The following JARID2 variants were observed in gnomAD, a reference collection of about 807,000 sequenced individuals.
JARID2 encodes the protein jumonji and AT-rich interaction domain containing 2.
JARID2 carries 21 observed loss-of-function variants against 125.6 expected under a neutral mutation model. The ratio of observed to expected loss-of-function variants is 0.17; its 90% CI spans 0.12 to 0.24. The LOEUF (loss-of-function observed/expected upper bound fraction) is 0.24, where lower values mean the gene tolerates loss of function less well. JARID2 is among the 10% of genes least tolerant of loss of function. JARID2 has a pLI of 1.00. For synonymous variants in JARID2, 736 were observed against 661.6 expected (o/e 1.11, Z -1.73); for missense variants, 1,303 against 1,639.6 (o/e 0.79, Z 3.55).
intron 1 of JARID2, among the ~76,000 whole-genome samples, chr6:15,343,112 G>A (rs1462516144): frequency 1.3e-5 from 2 of 151,412 alleles, no homozygotes; most frequent in African/African-American, 2.4e-5. Context: ...ATCTGTAATC[G>A]CAGCTACTTG....
intron 1 of JARID2, among the ~76,000 whole-genome samples, chr6:15,313,153 C>G (rs1414845131): frequency 2.6e-5 from 4 of 152,170 alleles, no homozygotes; most frequent in African/African-American, 9.7e-5. Context: ...CTGTCCTCTG[C>G]TTCCTGATCT....
At chr6:15,355,912 C>G (rs546140409) in intron 1 of JARID2, among the ~76,000 whole-genome samples, 5 of 152,284 alleles carry the variant, frequency 3.3e-5, no homozygotes, top group African/African-American at 1.2e-4. Context: ...TGCCCGGCCA[C>G]TTAGTACATT....
At chr6:15,487,194 G>C (rs1421605164) in intron 5 of JARID2, 113 bp from the exon 6 acceptor site, 2 of 831,252 alleles carry the variant, frequency 2.4e-6, no homozygotes, top group East Asian at 2.7e-5. Context: ...AACACATGGG[G>C]ATTACAGTTG....
intron 4 of JARID2, among the ~76,000 whole-genome samples, chr6:15,463,739 T>C (rs1768574916): frequency 6.6e-6 from 1 of 152,100 alleles, no homozygotes; most frequent in Non-Finnish European, 1.5e-5. Context: ...GCCTGTTCTG[T>C]TTTCAAATAC....
chr6:15,453,415 G>C (rs1280688808), intron 4 of JARID2, among the ~76,000 whole-genome samples: 15 of 152,204 alleles, frequency 9.9e-5, no homozygotes, highest in Non-Finnish European at 2.2e-4. Flanking sequence ...TTCTTGGCAG[G>C]AATGCCACAA....
At chr6:15,257,371 C>T (rs1017880897) in intron 1 of JARID2, among the ~76,000 whole-genome samples, 3 of 152,160 alleles carry the variant, frequency 2.0e-5, no homozygotes, top group African/African-American at 4.8e-5. Context: ...TCTACTTGCA[C>T]ATACAGTTTT....
chr6:15,407,124 T>C (rs562122586), intron 2 of JARID2, among the ~76,000 whole-genome samples: 1 of 151,056 alleles, frequency 6.6e-6, no homozygotes, highest in South Asian at 2.1e-4. Flanking sequence ...TAGTGGGGCA[T>C]GGTGGTGCAC....
intron 1 of JARID2, among the ~76,000 whole-genome samples, chr6:15,292,389 T>C (rs1761260297): frequency 6.6e-6 from 1 of 152,208 alleles, no homozygotes; most frequent in South Asian, 2.1e-4. Flanking sequence ...TGTAATTTTC[T>C]ATACAGTGAA....
At chr6:15,299,400 T>C (rs1216895574) in intron 1 of JARID2, among the ~76,000 whole-genome samples, 1 of 152,206 alleles carries the variant, frequency 6.6e-6, no homozygotes, top group East Asian at 1.9e-4. Flanking sequence ...AGGTCTTGCA[T>C]ACTGAGGTGG....
At chr6:15,429,738 C>T (rs960078584) in intron 3 of JARID2, among the ~76,000 whole-genome samples, 3 of 152,000 alleles carry the variant, frequency 2.0e-5, no homozygotes, top group Admixed American at 1.3e-4. Context: ...AGGAAAGAAC[C>T]GAGTACACGT....
intron 1 of JARID2, among the ~76,000 whole-genome samples, chr6:15,263,003 T>C (rs1375247025): frequency 6.6e-6 from 1 of 152,128 alleles, no homozygotes; most frequent in African/African-American, 2.4e-5. Context: ...AGTGATGTGC[T>C]CTGTTCAGCA....
intron 1 of JARID2, among the ~76,000 whole-genome samples, chr6:15,336,507 A>AT (rs777779135): frequency 1.3e-5 from 2 of 152,246 alleles, no homozygotes; most frequent in Non-Finnish European, 2.9e-5. Context: ...GTACAATGAC[A>AT]TATAATAAGG....
At chr6:15,370,411 C>A (rs1383948173) in intron 1 of JARID2, among the ~76,000 whole-genome samples, 1 of 146,290 alleles carries the variant, frequency 6.8e-6, no homozygotes, top group East Asian at 2.2e-4. Flanking sequence ...TGCACACGAT[C>A]ACTGCAAGCT....
intron 5 of JARID2, among the ~76,000 whole-genome samples, chr6:15,478,831 G>A (rs1295455844): frequency 2.6e-5 from 4 of 151,848 alleles, no homozygotes; most frequent in African/African-American, 9.7e-5. Context: ...CACCATGCCC[G>A]GCTAATTTTT....
At chr6:15,348,852 T>G (rs1001219759) in intron 1 of JARID2, among the ~76,000 whole-genome samples, 2 of 152,174 alleles carry the variant, frequency 1.3e-5, no homozygotes, top group Non-Finnish European at 2.9e-5. Context: ...TACCTCTTTG[T>G]GAATGGAGAG....
intron 1 of JARID2, among the ~76,000 whole-genome samples, chr6:15,338,403 C>T (rs574140922): frequency 6.6e-6 from 1 of 152,306 alleles, no homozygotes; most frequent in Admixed American, 6.5e-5. Context: ...AAGGTTTAGC[C>T]AAATTACGAT....
chr6:15,450,795 T>C (rs1235011039), intron 3 of JARID2, among the ~76,000 whole-genome samples: 8 of 152,226 alleles, frequency 5.3e-5, no homozygotes, highest in African/African-American at 1.9e-4. Flanking sequence ...AGCAAAAATA[T>C]GTTCGTGTAT....
chr6:15,369,932 C>A lies in JARID2; in HGVS notation c.46-4185C>A, dbSNP rs550945962. Among the ~76,000 whole-genome samples the A allele has an allele frequency of 2.0e-5, 3 of 152,182 alleles. No individual in the cohort carries two copies. In the South Asian group the frequency reaches 6.2e-4, roughly 32 times the overall value. On this transcript the variant is annotated intron_variant, in intron 1 of 17. Transcript: ENST00000341776. Reference sequence around the variant, plus strand: ...AGCCACTGTGGAGGAAGGATGTCTCCCCTAGGACACCAGCCTCTGCTGAGA... The same window carrying A: ...AGCCACTGTGGAGGAAGGATGTCTCACCTAGGACACCAGCCTCTGCTGAGA...
At chr6:15,265,379 AC>A (rs1272063864) in intron 1 of JARID2, among the ~76,000 whole-genome samples, 3 of 145,250 alleles carry the variant, frequency 2.1e-5, no homozygotes, top group African/African-American at 7.8e-5. Context: ...AAAAAAAAAA[AC>A]AAAAAAAAAC....
Sources: gnomAD v4.1 joint callset for allele counts (sites outside exome capture counted in the v4.1 genomes callset) on GRCh38, gnomAD v4.1.1 for gene constraint, MANE v1.5 for transcripts, NCBI Gene and HGNC (gene_info 2026-07-23, HGNC 2026-07-21) for gene names.